Variants in HSP90AA1 observed in about 807,000 individuals in gnomAD.
The protein encoded by HSP90AA1 is heat shock protein HSP 90-alpha.
Under a neutral mutation model 73.3 loss-of-function variants are expected in HSP90AA1, and 18 were observed. The observed-to-expected ratio is 0.25, with a 90% CI of 0.17 to 0.36. The LOEUF is 0.36. Ranked by LOEUF, HSP90AA1 falls within the 10% of genes least tolerant of loss-of-function variation. The pLI, the probability that HSP90AA1 is intolerant of heterozygous loss-of-function variation, is 1.00. For missense variants in HSP90AA1, 704 were observed against 874.2 expected (o/e 0.81, Z 2.45); for synonymous variants, 477 against 296.9 (o/e 1.61, Z -6.24).
intron 1 of HSP90AA1, among the ~76,000 whole-genome samples, chr14:102,108,945 T>G (rs1272979731): frequency 6.6e-6 from 1 of 152,324 alleles, no homozygotes; most frequent in Admixed American, 6.5e-5. Flanking sequence ...GCTATGTGGA[T>G]TGCATTTCAT....
intron 1 of HSP90AA1, among the ~76,000 whole-genome samples, chr14:102,120,414 CT>C (rs1283308262): frequency 3.9e-5 from 6 of 151,976 alleles, no homozygotes; most frequent in Admixed American, 2.0e-4. Flanking sequence ...CATTTAAAGA[CT>C]TTTGTTTGAT....
intron 1 of HSP90AA1, among the ~76,000 whole-genome samples, chr14:102,114,731 G>A (rs556501180): frequency 2.6e-5 from 4 of 152,102 alleles, no homozygotes; most frequent in East Asian, 3.9e-4. Flanking sequence ...GGCCGGACCC[G>A]GTTGCTGACT....
chr14:102,136,567 CAAAAAAAAA>C (rs1165638280), intron 1 of HSP90AA1, among the ~76,000 whole-genome samples: 154 of 53,246 alleles, frequency 2.9e-3, no homozygotes, highest in South Asian at 8.5e-3. Context: ...AGACTCGTCT[CAAAAAAAAA>C]AAAAAAAAAA....
chr14:102,084,064 A>T, intron 6 of HSP90AA1, 81 bp from the exon 7 acceptor site: 4 of 1,082,274 alleles, frequency 3.7e-6, no homozygotes, highest in Non-Finnish European at 5.6e-6. Flanking sequence ...ATCAAAGATA[A>T]CCTGAAGATG....
In HSP90AA1 at chr14:102,084,521, A is replaced by G; in HGVS notation, c.1025T>C (p.Phe342Ser). Residue 342 changes from phenylalanine to serine, a missense_variant, in exon 6 of 11, where the codon TTT becomes TCT. Physicochemically the swap from Phe to Ser is radical, Grantham distance 155. Transcript: ENST00000216281. ...ATCAAAAGGAGCACGTCGTGGGACA[A>G]ATAGAAGGGCTCTGAATTCCAACTG... ...EGQLEFRALL[F>S]VPRRAPFDLF... The G allele has an allele frequency of 6.2e-7, 1 of 1,614,226 alleles. No individual in the cohort carries two copies.
intron 6 of HSP90AA1, 95 bp from the exon 7 acceptor site, chr14:102,084,078 G>A (rs776374189): frequency 2.0e-6 from 2 of 997,524 alleles, no homozygotes; most frequent in Non-Finnish European, 3.1e-6. Context: ...GAAGATGATG[G>A]GACGTATTTT....
In HSP90AA1 at chr14:102,125,457, G is replaced by A. The variant is rs1327997604; in HGVS notation, c.155+13793C>T. Among the ~76,000 whole-genome samples the A allele has an allele frequency of 3.3e-5, 5 of 152,170 alleles. No individual in the cohort carries two copies. In the East Asian group the frequency reaches 7.7e-4, roughly 23 times the overall value. On this transcript the variant is annotated intron_variant, in intron 1 of 11. Transcript: ENST00000334701. ...TATTCTCCAAGGACAGGAGTGTTTCGTTTTTGTTATTTTTTAGGAAGAGGG... is the reference window on the plus strand; with the variant it reads ...TATTCTCCAAGGACAGGAGTGTTTCATTTTTGTTATTTTTTAGGAAGAGGG...
At position 102,115,091 on chromosome 14, in the gene HSP90AA1, G is replaced by A. The variant is rs545053942; in HGVS notation, c.156-13006C>T. ...GAACCCAGAGGGCAGAGCTTGCAGTGAGCCGAGATGGCGCCACTGCACTCC... is the reference window on the plus strand; with the variant it reads ...GAACCCAGAGGGCAGAGCTTGCAGTAAGCCGAGATGGCGCCACTGCACTCC... On this transcript the variant is annotated intron_variant, in intron 1 of 11. Transcript: ENST00000334701. Among the ~76,000 whole-genome samples the A allele has an allele frequency of 1.8e-4, 28 of 151,592 alleles. No homozygotes were observed. The East Asian group carries it at 5.5e-3, about 30-fold the overall frequency.
chr14:102,089,057 A>C (rs2049316073), upstream of HSP90AA1, among the ~76,000 whole-genome samples: 2 of 151,926 alleles, frequency 1.3e-5, no homozygotes, highest in Admixed American at 6.6e-5. Flanking sequence ...AGTAGCTGGG[A>C]TTACAGGCAC....
rs372734062 is a variant in HSP90AA1, at chr14:102,082,574, G to C, written c.1756-130C>G. 4.1e-4 allele frequency: 297 copies of C among 720,334 alleles called. No homozygotes were observed. In the African/African-American group the frequency reaches 4.7e-3, roughly 11 times the overall value. 44.6% of individuals were successfully genotyped at this position (720,334 alleles called of 1,614,324 possible). ...ATCTACTGTCAAATACAACTTAAAT[G>C]TCGCATTAGGTATCCAAAGAGCACA... is the stretch of plus-strand genomic sequence containing the variant. On this transcript the variant is annotated intron_variant, in intron 9 of 10. Coordinates refer to ENST00000216281, the MANE Select transcript of HSP90AA1 (RefSeq NM_005348.4).
upstream of HSP90AA1, among the ~76,000 whole-genome samples, chr14:102,089,167 C>A (rs370350026): frequency 1.4e-3 from 212 of 152,258 alleles, no homozygotes; most frequent in African/African-American, 4.8e-3. Flanking sequence ...GTGATCCGCC[C>A]GCCTCGGCCT....
At chr14:102,139,642 C>A in exon 1 of HSP90AA1, 1 of 641,868 alleles carries the variant, frequency 1.6e-6, no homozygotes, top group Non-Finnish European at 2.7e-6. Flanking sequence ...CTAGCTGAAG[C>A]CGGCATCACC....
At chr14:102,137,227 T>A (rs1053790140) in intron 1 of HSP90AA1, among the ~76,000 whole-genome samples, 1 of 150,306 alleles carries the variant, frequency 6.7e-6, no homozygotes, top group African/African-American at 2.5e-5. Flanking sequence ...GGCAACAGAG[T>A]GAGACTCCAT....
At chr14:102,085,237 A>C (rs896572261) in intron 4 of HSP90AA1, 61 bp downstream of exon 4, 1 of 1,544,480 alleles carries the variant, frequency 6.5e-7, no homozygotes, top group East Asian at 2.2e-5. Context: ...CTAAGGATGT[A>C]GTACAGTCAC....
At chr14:102,128,872 T>C (rs1476008723) in intron 1 of HSP90AA1, among the ~76,000 whole-genome samples, 1 of 152,004 alleles carries the variant, frequency 6.6e-6, no homozygotes, top group Non-Finnish European at 1.5e-5. Flanking sequence ...TGGGTTCAGA[T>C]AGAGATAAGA....
chr14:102,089,973 A>C (rs1004767753), upstream of HSP90AA1, among the ~76,000 whole-genome samples: 1 of 151,494 alleles, frequency 6.6e-6, no homozygotes, highest in African/African-American at 2.4e-5. Flanking sequence ...GAGAACACAG[A>C]CCTGGCCCTA....
chr14:102,084,877 C>A lies in HSP90AA1; in HGVS notation c.785G>T (p.Gly262Val), dbSNP rs756186881. 2.6e-6 allele frequency: 4 copies of A among 1,557,680 alleles called. No individual in the cohort carries two copies. Residue 262 changes from glycine (G) to valine (V), a missense_variant, in exon 5 of 11, where the codon GGT becomes GTT. Coordinates refer to ENST00000216281, the MANE Select transcript of HSP90AA1 (RefSeq NM_005348.4). The stretch of plus-strand genomic sequence containing the variant: ...CTTCTTTTCTTCTTCCTCATCAGAA[C>A]CAACATCTTCAATTTCAGGTTTGTC... ...SEDKPEIEDVGSDEEEEKKDG... is the reference protein window; with the variant it reads ...SEDKPEIEDVVSDEEEEKKDG...
upstream of HSP90AA1, among the ~76,000 whole-genome samples, chr14:102,091,861 A>C (rs2049363005): frequency 6.6e-6 from 1 of 152,006 alleles, no homozygotes; most frequent in South Asian, 2.1e-4. Flanking sequence ...TCCTGGACTT[A>C]AGGAGTCCTC....
At chr14:102,081,845 T>C (rs928849389) in intron 10 of HSP90AA1, 24 bp from the exon 11 acceptor site, 1 of 1,106,734 alleles carries the variant, frequency 9.0e-7, no homozygotes. Flanking sequence ...AAAATCCTCA[T>C]ATTACAAAGA....
Sources: allele counts gnomAD v4.1 joint callset (sites outside exome capture counted in the v4.1 genomes callset), GRCh38; gene constraint gnomAD v4.1.1; transcripts MANE v1.5; gene names NCBI Gene and HGNC (gene_info 2026-07-23, HGNC 2026-07-21).